Variants in PDK1 observed in about 807,000 individuals in gnomAD.
PDK1 encodes the protein pyruvate dehydrogenase kinase 1.
A neutral mutation model predicts 54.2 loss-of-function variants in PDK1; 39 were observed. The observed-to-expected ratio is 0.72, with a 90% CI of 0.56 to 0.94. The LOEUF (loss-of-function observed/expected upper bound fraction) is 0.94. PDK1 is among the 40% of genes least tolerant of loss of function. PDK1 has a pLI of 0.00. For missense variants in PDK1, 552 were observed against 566.0 expected (o/e 0.98, Z 0.25); for synonymous variants, 221 against 207.1 (o/e 1.07, Z -0.58).
chr2:172,622,761 T>TTATGTGAGATGTTTATATCTCA, the PDK1 span, among the ~76,000 whole-genome samples: 23 of 147,984 alleles, frequency 1.6e-4, no homozygotes, highest in Middle Eastern at 4.2e-3. Flanking sequence ...TTATATCTCA[T>TTATGTGAGATGTTTATATCTCA]TATGTGAGAT....
chr2:172,688,089 C>T, the PDK1 span, among the ~76,000 whole-genome samples: 1 of 152,198 alleles, frequency 6.6e-6, no homozygotes, highest in Non-Finnish European at 1.5e-5. Context: ...CCTTGGTTTC[C>T]AGACACATAT....
At chr2:172,700,456 C>A in the PDK1 span, among the ~76,000 whole-genome samples, 1 of 150,898 alleles carries the variant, frequency 6.6e-6, no homozygotes, top group South Asian at 2.1e-4. Flanking sequence ...GGCGGCAGGG[C>A]AGAGACGCTC....
At chr2:172,592,391 C>T (rs1276680580) in intron 9 of PDK1, among the ~76,000 whole-genome samples, 2 of 152,064 alleles carry the variant, frequency 1.3e-5, no homozygotes, top group Non-Finnish European at 2.9e-5. Flanking sequence ...TTCTCTCTCT[C>T]TCTGACTCCC....
the PDK1 span, among the ~76,000 whole-genome samples, chr2:172,708,163 C>T: frequency 6.6e-6 from 1 of 152,074 alleles, no homozygotes; most frequent in Admixed American, 6.5e-5. Context: ...GCATAGTGCA[C>T]CTGTAGTCCC....
chr2:172,562,629 A>G, intron 3 of PDK1: 2 of 693,564 alleles, frequency 2.9e-6, no homozygotes, highest in East Asian at 2.7e-5. Context: ...TACTGCCCAT[A>G]TCATCTGATT....
At chr2:172,714,618 TAATC>T in the PDK1 span, among the ~76,000 whole-genome samples, 54,519 of 151,640 alleles carry the variant, frequency 0.36, 10,086 homozygotes, top group Middle Eastern at 0.54. Flanking sequence ...TTAAATTTGA[TAATC>T]AATAAAGATA....
At chr2:172,669,330 A>C in the PDK1 span, among the ~76,000 whole-genome samples, 1 of 152,232 alleles carries the variant, frequency 6.6e-6, no homozygotes, top group East Asian at 1.9e-4. Context: ...TACAGGCGTG[A>C]GCCACTGCGC....
At chr2:172,573,505 G>GTA (rs71403316) in intron 8 of PDK1, among the ~76,000 whole-genome samples, 14,362 of 150,510 alleles carry the variant, frequency 0.095, 806 homozygotes, top group Middle Eastern at 0.12. Context: ...CTATGTGTGT[G>GTA]TATATATATA....
At chr2:172,566,559 A>G (rs1031192353) in intron 5 of PDK1, among the ~76,000 whole-genome samples, 1 of 148,806 alleles carries the variant, frequency 6.7e-6, no homozygotes, top group Admixed American at 6.7e-5. Flanking sequence ...TCTCAAAGGA[A>G]AAAAAAAAAG....
chr2:172,555,937 C>G (rs1348477485), upstream of PDK1: 2 of 382,700 alleles, frequency 5.2e-6, no homozygotes, highest in African/African-American at 4.2e-5. Context: ...GGGGGCGGGC[C>G]CCGCAAGCGC....
chr2:172,601,377 A>G lies in PDK1; in HGVS notation c.*5408A>G, dbSNP rs1029327910. 9 of 152,222 alleles carry G rather than the reference A, an allele frequency of 5.9e-5. No homozygotes were observed. The highest frequency in any genetic ancestry group is 1.2e-4 in the Non-Finnish European group (8 of 68,036). 9.4% of individuals were successfully genotyped at this position (152,222 alleles called of 1,614,324 possible). ...GATAATGGTTAGGCTTTCTGTCCCC[A>G]CCGCACAAATCTCATCTTGAATTAT... On this transcript the variant is annotated 3_prime_UTR_variant, in exon 11 of 11. Transcript: ENST00000282077.
At chr2:172,696,385 T>A in the PDK1 span, among the ~76,000 whole-genome samples, 3 of 152,176 alleles carry the variant, frequency 2.0e-5, no homozygotes, top group African/African-American at 7.2e-5. Context: ...TGGCAATATA[T>A]AGTTCATGCA....
At chr2:172,631,528 G>A in the PDK1 span, among the ~76,000 whole-genome samples, 2 of 71,890 alleles carry the variant, frequency 2.8e-5, no homozygotes, top group East Asian at 9.3e-4. Context: ...GACCCTTGCA[G>A]CAGAGGTTAG....
chr2:172,701,050 A>AAGAGGG, the PDK1 span, among the ~76,000 whole-genome samples: 1 of 151,742 alleles, frequency 6.6e-6, no homozygotes, highest in South Asian at 2.1e-4. Context: ...GAGGAGGGAG[A>AAGAGGG]AGAGGGAGAG....
chr2:172,636,450 T>C, the PDK1 span, among the ~76,000 whole-genome samples: 1 of 152,118 alleles, frequency 6.6e-6, no homozygotes, highest in Non-Finnish European at 1.5e-5. Context: ...CCGGGCGCGA[T>C]GGCTCATGCC....
chr2:172,662,919 T>C, the PDK1 span, among the ~76,000 whole-genome samples: 1 of 152,156 alleles, frequency 6.6e-6, no homozygotes, highest in Non-Finnish European at 1.5e-5. Flanking sequence ...GGGCAGGGAC[T>C]GTGTCTGCAA....
chr2:172,596,200 CTG>C lies in PDK1; in HGVS notation c.*233_*234del, dbSNP rs1690883301. ...GTTAATTGAACATATTTTTAAACAA[CTG>C]TAGTTTTGGGCAACTTTTCACTTTG... On this transcript the variant is annotated 3_prime_UTR_variant, in exon 11 of 11. Coordinates refer to ENST00000282077, the MANE Select transcript of PDK1 (RefSeq NM_002610.5). 2.9e-6 allele frequency: 1 copy of C among 345,798 alleles called. No individual in the cohort carries two copies. Among genetic ancestry groups the C allele is most frequent in the Non-Finnish European group, 5.2e-6 (1 of 191,526 alleles). The allele number at this position is 345,798 out of a possible 1,614,324, so 21.4% of individuals were successfully genotyped here. A position where few individuals can be genotyped will look rare whatever the true frequency, so the allele number is the denominator to read the frequency against.
chr2:172,688,260 G>T, the PDK1 span, among the ~76,000 whole-genome samples: 1 of 152,190 alleles, frequency 6.6e-6, no homozygotes, highest in Non-Finnish European at 1.5e-5. Context: ...GATTGTGCCA[G>T]AAGTATGTGA....
At chr2:172,672,813 C>T in the PDK1 span, among the ~76,000 whole-genome samples, 5 of 152,120 alleles carry the variant, frequency 3.3e-5, no homozygotes, top group East Asian at 1.9e-4. Flanking sequence ...CTTTATAAGT[C>T]GCTCTGCTGC....
Sources: gnomAD v4.1 joint callset for allele counts (sites outside exome capture counted in the v4.1 genomes callset) on GRCh38, gnomAD v4.1.1 for gene constraint, MANE v1.5 for transcripts, NCBI Gene and HGNC (gene_info 2026-07-23, HGNC 2026-07-21) for gene names.